The following C3 variants were observed in gnomAD, a reference collection of about 807,000 sequenced individuals.
The protein encoded by C3 is C3 and PZP-like alpha-2-macroglobulin domain-containing protein 1.
C3 carries 97 observed loss-of-function variants against 207.9 expected under a neutral mutation model. That is an observed-to-expected ratio of 0.47 (90% CI 0.40 to 0.55). The LOEUF is 0.55. Ranked by LOEUF, C3 falls within the 20% of genes least tolerant of loss-of-function variation. The pLI is 0.00. For missense variants in C3, 1,684 were observed against 2,171.7 expected, an observed-to-expected ratio of 0.78 and a Z score of 4.46; for synonymous variants, 848 against 857.6, an observed-to-expected ratio of 0.99 and a Z score of 0.20.
chr19:6,693,600 G>A, intron 24 of C3, 113 bp from the exon 25 acceptor site: 2 of 882,814 alleles, frequency 2.3e-6, no homozygotes, highest in Non-Finnish European at 1.8e-6. Context: ...GTGGCGGAGG[G>A]GTTCTGGGAG....
intron 21 of C3, among the ~76,000 whole-genome samples, chr19:6,697,076 A>ATAAATAAATAAATAAATAAAT (rs71177114): frequency 8.9e-6 from 1 of 112,592 alleles, no homozygotes; most frequent in African/African-American, 2.9e-5. Flanking sequence ...AAATAAATAA[A>ATAAATAAATAAATAAATAAAT]AAATTTCAAA....
intron 27 of C3, among the ~76,000 whole-genome samples, chr19:6,687,250 G>A (rs1037558057): frequency 3.3e-5 from 5 of 152,048 alleles, no homozygotes; most frequent in African/African-American, 1.2e-4. Context: ...GTGTCAATGC[G>A]ACATCACTGA....
chr19:6,702,465 C>G lies in C3; in HGVS notation c.2354+6G>C, dbSNP rs566441302. 2.5e-5 allele frequency: 40 copies of G among 1,588,124 alleles called. No individual in the cohort carries two copies. The East Asian group carries it at 8.7e-4, about 35-fold the overall frequency. ...GTGGGTTGTACCGGGGGTACCCCGG[C>G]CTTACCCATTTTTCGGTGGCTCTTT... On this transcript the variant is annotated splice_donor_region_variant and intron_variant, in intron 18 of 40. Coordinates refer to ENST00000245907, the MANE Select transcript of C3 (RefSeq NM_000064.4).
rs150558632 is a variant in C3 at position 6,685,282 on chromosome 19, G to A, written c.3811-136C>T. 4.9e-4 allele frequency: 385 copies of A among 784,078 alleles called. 2 individuals carry two copies. In the East Asian group the frequency reaches 5.9e-3, roughly 12 times the overall value. 48.6% of individuals were successfully genotyped at this position (784,078 alleles called of 1,614,324 possible). A position where few individuals can be genotyped will look rare whatever the true frequency, so the allele number is the denominator to read the frequency against. ...AGAACCTACTAGAGAGTGCAGGGGTGATAACTGGAGGTCACTGGACTCTGA... is the reference window on the plus strand; with the variant it reads ...AGAACCTACTAGAGAGTGCAGGGGTAATAACTGGAGGTCACTGGACTCTGA... On this transcript the variant is annotated intron_variant, in intron 29 of 40. Transcript: ENST00000245907.
intron 4 of C3, among the ~76,000 whole-genome samples, chr19:6,714,660 A>G (rs910707646): frequency 1.3e-5 from 2 of 152,182 alleles, no homozygotes; most frequent in African/African-American, 4.8e-5. Context: ...TCAGGAGTTC[A>G]AGACCAGCCT....
intron 27 of C3, among the ~76,000 whole-genome samples, chr19:6,690,375 G>C (rs1335498641): frequency 6.6e-6 from 1 of 152,176 alleles, no homozygotes; most frequent in Non-Finnish European, 1.5e-5. Context: ...CTGCAAACTG[G>C]GGATAATAAG....
At chr19:6,701,986 G>T (rs982886921) in intron 19 of C3, 141 bp downstream of exon 19, 2 of 690,124 alleles carry the variant, frequency 2.9e-6, no homozygotes. Flanking sequence ...CACAGTTCCT[G>T]GTAACAACAC....
At chr19:6,705,268 C>T (rs545966240) in intron 17 of C3, among the ~76,000 whole-genome samples, 19 of 152,182 alleles carry the variant, frequency 1.2e-4, no homozygotes, top group South Asian at 2.1e-4. Flanking sequence ...CTCACACTAT[C>T]GCCTCTTTGT....
chr19:6,711,240 T>G, intron 11 of C3, 44 bp from the exon 12 acceptor site: 12 of 1,498,540 alleles, frequency 8.0e-6, no homozygotes, highest in African/African-American at 1.4e-5. Context: ...CGCCCGAGGA[T>G]ACCCACACCC....
At position 6,679,470 on chromosome 19, in the gene C3, G is replaced by C. The variant is rs1917802921; in HGVS notation, c.4483C>G (p.Pro1495Ala). The C allele has an allele frequency of 9.3e-6, 15 of 1,613,542 alleles. 1 individual carries two copies. The East Asian group carries it at 3.3e-4, about 36-fold the overall frequency. ...TTCAGCTTTCCATCCTCCTTTTCCG[G>C]ATGGTAGAACCGGGTACAGCTTTCC... ...LEESCTRFYH[P>A]EKEDGKLNKL... Residue 1495 changes from proline to alanine, a missense_variant, in exon 37 of 41, where the codon CCG (proline) becomes GCG (alanine). By Grantham distance (27) the Pro-to-Ala change is conservative. Transcript: ENST00000245907.
Position 6,720,624 on chromosome 19 carries a change from G to A in C3, c.-35C>T, listed in dbSNP as rs1377086379. The A allele has an allele frequency of 6.6e-7, 1 of 1,507,340 alleles. No individual in the cohort carries two copies. The highest frequency in any genetic ancestry group is 1.2e-5 in the South Asian group (1 of 83,524). The allele number at this position is 1,507,340 out of a possible 1,614,324, so 93.4% of individuals were successfully genotyped here. ...ACAGTGCAGGGTCAGAGGGACAGAG[G>A]GACAGAGGGAGAGGATGGGGAGGAG... is the stretch of plus-strand genomic sequence containing the variant. On this transcript the variant is annotated 5_prime_UTR_variant, in exon 1 of 41. Transcript: ENST00000245907.
At chr19:6,708,729 C>T (rs1967843111) in intron 14 of C3, among the ~76,000 whole-genome samples, 1 of 148,022 alleles carries the variant, frequency 6.8e-6, no homozygotes, top group Non-Finnish European at 1.5e-5. Flanking sequence ...CACTGTCTCC[C>T]AGGCTGGAGT....
At position 6,697,604 on chromosome 19, in the gene C3, C is replaced by T. The variant is rs781775768; in HGVS notation, c.2583+48G>A. The T allele has an allele frequency of 1.4e-5, 22 of 1,613,838 alleles. No individual in the cohort carries two copies. The Admixed American group carries it at 2.3e-4, about 17-fold the overall frequency. On this transcript the variant is annotated intron_variant, in intron 20 of 40. Transcript: ENST00000245907. Reference sequence around the variant, plus strand: ...GGGCAAGTGTGTGTGCAACAGGCTACCTACCCCCTGGCAGCCTCCAAGAAG... The same window carrying T: ...GGGCAAGTGTGTGTGCAACAGGCTATCTACCCCCTGGCAGCCTCCAAGAAG...
At position 6,693,590 on chromosome 19, in the gene C3, G is replaced by A. The variant is rs555701010; in HGVS notation, c.3155-103C>T. 53 of 991,474 alleles carry A rather than the reference G, an allele frequency of 5.3e-5. No individual in the cohort carries two copies. In the African/African-American group the frequency reaches 7.6e-4, roughly 14 times the overall value. The allele number at this position is 991,474 out of a possible 1,614,324, so 61.4% of individuals were successfully genotyped here. ...TGCAGAGAGGGGACAGGGGCTCAGG[G>A]TGGCGGAGGGGTTCTGGGAGGAGGG... On this transcript the variant is annotated intron_variant, in intron 24 of 40. Transcript: ENST00000245907.
chr19:6,709,157 T>C (rs1424700959), intron 14 of C3, among the ~76,000 whole-genome samples: 1 of 152,036 alleles, frequency 6.6e-6, no homozygotes, highest in Non-Finnish European at 1.5e-5. Flanking sequence ...GTTGAAAGTG[T>C]CCAATTCTCA....
chr19:6,683,933 A>C (rs981447747), intron 33 of C3, among the ~76,000 whole-genome samples: 2 of 152,218 alleles, frequency 1.3e-5, no homozygotes, highest in African/African-American at 4.8e-5. Flanking sequence ...GCCTCTAGAA[A>C]GAATAAAAAA....
intron 4 of C3, among the ~76,000 whole-genome samples, chr19:6,715,075 A>G (rs1027721387): frequency 3.3e-5 from 5 of 152,150 alleles, no homozygotes; most frequent in Non-Finnish European, 5.9e-5. Context: ...CTGAATACTA[A>G]TAACTAGTAG....
intron 14 of C3, 73 bp downstream of exon 14, chr19:6,709,611 T>TACCCCCC: frequency 2.7e-6 from 3 of 1,109,438 alleles, no homozygotes; most frequent in Admixed American, 1.8e-5. Context: ...CCCTCTCCAG[T>TACCCCCC]CCCACCCACC....
At chr19:6,699,434 C>T (rs1449524477) in intron 19 of C3, among the ~76,000 whole-genome samples, 1 of 152,008 alleles carries the variant, frequency 6.6e-6, no homozygotes, top group Admixed American at 6.6e-5. Flanking sequence ...CAAAGTATTT[C>T]CAGTGAAAAC....
Sources: allele counts gnomAD v4.1 joint callset (sites outside exome capture counted in the v4.1 genomes callset), GRCh38; gene constraint gnomAD v4.1.1; transcripts MANE v1.5; gene names NCBI Gene and HGNC (gene_info 2026-07-23, HGNC 2026-07-21).